Variants in NTM observed in about 807,000 individuals in gnomAD.
NTM encodes neurotrimin, also known as IgLON family member 2.
A neutral mutation model predicts 42.1 loss-of-function variants in NTM; 13 were observed. The observed-to-expected ratio is 0.31, with a 90% CI of 0.20 to 0.49. The LOEUF is 0.49. Among genes scored for constraint, NTM ranks in the 20% least tolerant of loss-of-function variants. NTM has a pLI of 0.99. For missense variants in NTM, 373 were observed against 452.8 expected, an observed-to-expected ratio of 0.82 and a Z score of 1.60; for synonymous variants, 187 against 179.2, an observed-to-expected ratio of 1.04 and a Z score of -0.35.
At chr11:131,617,167 G>A (rs186327887) in intron 1 of NTM, among the ~76,000 whole-genome samples, 54 of 152,130 alleles carry the variant, frequency 3.5e-4, no homozygotes, top group Non-Finnish European at 6.5e-4. Context: ...CTCTGATGGC[G>A]TGTGTGTACT....
chr11:131,993,974 A>G (rs150152716), intron 2 of NTM, among the ~76,000 whole-genome samples: 2,891 of 149,106 alleles, frequency 0.019, 43 homozygotes, highest in Non-Finnish European at 0.03. Flanking sequence ...TTGTACTCCA[A>G]TCTGGGCCAC....
At chr11:131,544,356 G>T (rs774289830) in intron 1 of NTM, among the ~76,000 whole-genome samples, 2 of 152,164 alleles carry the variant, frequency 1.3e-5, no homozygotes, top group Non-Finnish European at 1.5e-5. Context: ...TGCCTGGTTC[G>T]TTTGTCTACA....
At chr11:131,808,544 C>T (rs1029724604) in intron 1 of NTM, among the ~76,000 whole-genome samples, 9 of 152,210 alleles carry the variant, frequency 5.9e-5, no homozygotes, top group African/African-American at 1.9e-4. Context: ...ATTTAAAATG[C>T]TCTCATAGAG....
intron 4 of NTM, among the ~76,000 whole-genome samples, chr11:132,257,185 G>A (rs549628239): frequency 2.0e-5 from 3 of 152,204 alleles, no homozygotes; most frequent in East Asian, 3.9e-4. Context: ...TCACTGCAAG[G>A]GGCCATGAGA....
chr11:131,375,396 C>A (rs1345113251), intron 1 of NTM, among the ~76,000 whole-genome samples: 1 of 152,100 alleles, frequency 6.6e-6, no homozygotes, highest in African/African-American at 2.4e-5. Flanking sequence ...TCAATAAAAC[C>A]AATTAAACAT....
At chr11:132,250,399 G>A (rs916874906) in intron 4 of NTM, among the ~76,000 whole-genome samples, 1 of 152,078 alleles carries the variant, frequency 6.6e-6, no homozygotes, top group Non-Finnish European at 1.5e-5. Context: ...TAGTATTCTG[G>A]AATCTATGGA....
chr11:131,498,897 A>G (rs1205578619), intron 1 of NTM, among the ~76,000 whole-genome samples: 1 of 152,128 alleles, frequency 6.6e-6, no homozygotes, highest in Non-Finnish European at 1.5e-5. Flanking sequence ...TCTGCCTGGC[A>G]TTGTCTTGCC....
chr11:131,788,153 G>A (rs191785090), intron 1 of NTM, among the ~76,000 whole-genome samples: 1 of 152,136 alleles, frequency 6.6e-6, no homozygotes, highest in Admixed American at 6.5e-5. Context: ...TCCATGTTAA[G>A]TCCGTCATTT....
intron 1 of NTM, among the ~76,000 whole-genome samples, chr11:131,570,620 C>T (rs111734999): frequency 1.3e-5 from 2 of 151,994 alleles, no homozygotes; most frequent in African/African-American, 2.4e-5. Flanking sequence ...GTCAAGAGAT[C>T]GAGAGTATCC....
At chr11:131,678,302 G>A (rs919018063) in intron 1 of NTM, among the ~76,000 whole-genome samples, 2 of 152,190 alleles carry the variant, frequency 1.3e-5, no homozygotes, top group South Asian at 2.1e-4. Context: ...GTGGCTGGAT[G>A]GCCTGACCAT....
chr11:131,645,698 G>A (rs2065687896), intron 1 of NTM, among the ~76,000 whole-genome samples: 1 of 152,046 alleles, frequency 6.6e-6, no homozygotes, highest in African/African-American at 2.4e-5. Context: ...AAATATGTGT[G>A]TATATATGTT....
intron 2 of NTM, among the ~76,000 whole-genome samples, chr11:131,950,816 G>A (rs956247606): frequency 5.3e-5 from 8 of 152,036 alleles, no homozygotes; most frequent in Non-Finnish European, 1.2e-4. Context: ...ATCCTCCCAC[G>A]CATGGCCTCT....
chr11:131,815,332 T>G (rs1297163122), intron 1 of NTM, among the ~76,000 whole-genome samples: 1 of 152,024 alleles, frequency 6.6e-6, no homozygotes, highest in African/African-American at 2.4e-5. Context: ...TCTGCCCTCT[T>G]GTATGCTGGG....
intron 1 of NTM, among the ~76,000 whole-genome samples, chr11:131,389,024 A>AAAAAAAAAAAAAAAAAGAAAAG (rs774146196): frequency 1.1e-5 from 1 of 89,908 alleles, no homozygotes; most frequent in Non-Finnish European, 2.1e-5. Context: ...AAAAAAAAAA[A>AAAAAAAAAAAAAAAAAGAAAAG]AAAAGAAAAG....
At chr11:132,092,941 G>A (rs2060539503) in intron 2 of NTM, among the ~76,000 whole-genome samples, 1 of 152,104 alleles carries the variant, frequency 6.6e-6, no homozygotes, top group Non-Finnish European at 1.5e-5. Context: ...GGATTATTAT[G>A]GCAACCCCTA....
rs147853175 is a variant in NTM, at chr11:131,853,661, G to C, written c.83-57903G>C. Among the ~76,000 whole-genome samples, 865 of 152,260 alleles carry C rather than the reference G, an allele frequency of 5.7e-3. 10 individuals carry two copies. Among genetic ancestry groups the C allele is most frequent in the African/African-American group, 0.02 (825 of 41,544 alleles). ...TCTATCATTGATGGATATTAGGTTG[G>C]TTCCATGTCTTTGCTATTGTGAATA... On this transcript the variant is annotated intron_variant, in intron 1 of 8. Transcript: ENST00000683400.
intron 2 of NTM, among the ~76,000 whole-genome samples, chr11:132,011,266 T>C (rs1339489314): frequency 6.6e-6 from 1 of 152,120 alleles, no homozygotes; most frequent in Non-Finnish European, 1.5e-5. Flanking sequence ...TTGACAACAG[T>C]TTACTGCACT....
At chr11:131,784,021 A>G (rs1465269522) in intron 1 of NTM, among the ~76,000 whole-genome samples, 1 of 152,196 alleles carries the variant, frequency 6.6e-6, no homozygotes, top group East Asian at 1.9e-4. Flanking sequence ...AAGATCAATA[A>G]TCACATGAAA....
chr11:132,137,851 C>T (rs1012725322), intron 2 of NTM, among the ~76,000 whole-genome samples: 5 of 152,146 alleles, frequency 3.3e-5, no homozygotes, highest in African/African-American at 4.8e-5. Flanking sequence ...CCTGTCCACG[C>T]GATCCGTGCT....
Sources: gnomAD v4.1 joint callset for allele counts (sites outside exome capture counted in the v4.1 genomes callset) on GRCh38, gnomAD v4.1.1 for gene constraint, MANE v1.5 for transcripts, NCBI Gene and HGNC (gene_info 2026-07-23, HGNC 2026-07-21) for gene names.